ITSN1: variants seen among roughly 807,000 people sequenced by gnomAD.
The protein encoded by ITSN1 is intersectin 1.
A neutral mutation model predicts 239.8 loss-of-function variants in ITSN1; 58 were observed. That is an observed-to-expected ratio of 0.24 (90% CI 0.20 to 0.30). The LOEUF (loss-of-function observed/expected upper bound fraction) is 0.30, where lower values mean the gene tolerates loss of function less well. ITSN1 is among the 10% of genes least tolerant of loss of function. The pLI is 1.00. For missense variants in ITSN1, 1,558 were observed against 2,103.3 expected (o/e 0.74, Z 5.07); for synonymous variants, 780 against 770.8 (o/e 1.01, Z -0.20).
chr21:33,673,247 C>T lies in ITSN1; in HGVS notation c.-33+30534C>T, dbSNP rs80305077. On this transcript the variant is annotated intron_variant, in intron 1 of 39. Coordinates refer to ENST00000381318, the MANE Select transcript of ITSN1 (RefSeq NM_003024.3). ...AAGAATAGAGTGGCTGAGTGGTTAT[C>T]GGGGGAAGGGGAAGTGGGAGATGTA... Among the ~76,000 whole-genome samples, 1,299 of 152,032 alleles carry T rather than the reference C, an allele frequency of 8.5e-3. 10 individuals carry two copies. The highest frequency in any genetic ancestry group is 0.031 in the Middle Eastern group (9 of 294).
chr21:33,778,016 C>T (rs540045480), intron 14 of ITSN1, among the ~76,000 whole-genome samples: 84 of 152,180 alleles, frequency 5.5e-4, no homozygotes, highest in Non-Finnish European at 1.0e-3. Context: ...GTTTTTTCCC[C>T]GCATCTATTG....
Position 33,886,480 on chromosome 21 carries a change from G to T in ITSN1, c.5017+20G>T, listed in dbSNP as rs200577300. On this transcript the variant is annotated intron_variant, in intron 39 of 39. Transcript: ENST00000381318. ...CAGATGGTGAGTGGAACGCGGCCCT[G>T]TGGTTATTCCTCCTTCCCTGGCACT... The T allele has an allele frequency of 6.6e-7, 1 of 1,523,060 alleles. No homozygotes were observed. Among genetic ancestry groups the T allele is most frequent in the South Asian group, 1.3e-5 (1 of 77,988 alleles). 94.3% of individuals were successfully genotyped at this position (1,523,060 alleles called of 1,614,324 possible). A position where few individuals can be genotyped will look rare whatever the true frequency, so the allele number is the denominator to read the frequency against.
At chr21:33,731,744 G>A (rs1054263379) in intron 4 of ITSN1, among the ~76,000 whole-genome samples, 1 of 152,152 alleles carries the variant, frequency 6.6e-6, no homozygotes, top group African/African-American at 2.4e-5. Flanking sequence ...TTAGGCACCC[G>A]ATGAAAAATA....
chr21:33,684,637 GA>G (rs2091146960), intron 1 of ITSN1, among the ~76,000 whole-genome samples: 2 of 151,802 alleles, frequency 1.3e-5, no homozygotes, highest in South Asian at 2.1e-4. Context: ...TAGGATGAGG[GA>G]AAAAAATGAC....
chr21:33,719,197 T>C (rs1294622379), intron 2 of ITSN1, among the ~76,000 whole-genome samples: 1 of 152,162 alleles, frequency 6.6e-6, no homozygotes, highest in Non-Finnish European at 1.5e-5. Flanking sequence ...TCCCAGCACT[T>C]TGGGAGGCCG....
At chr21:33,813,870 T>C in intron 21 of ITSN1, 43 bp from the exon 22 acceptor site, 1 of 1,594,418 alleles carries the variant, frequency 6.3e-7, no homozygotes, top group Non-Finnish European at 8.6e-7. Context: ...GCTGGTATAT[T>C]AGGGAGTGCT....
intron 1 of ITSN1, among the ~76,000 whole-genome samples, chr21:33,697,465 AT>A (rs1300647488): frequency 1.3e-5 from 2 of 149,526 alleles, no homozygotes; most frequent in Non-Finnish European, 1.5e-5. Context: ...AGGCCATTAC[AT>A]TTTTTTTTCA....
chr21:33,699,192 A>G (rs988688613), intron 1 of ITSN1, among the ~76,000 whole-genome samples: 4 of 152,070 alleles, frequency 2.6e-5, no homozygotes, highest in South Asian at 2.1e-4. Flanking sequence ...TTTCCCCTCA[A>G]TGTTTCATTG....
chr21:33,867,534 C>G (rs898956020), intron 33 of ITSN1, among the ~76,000 whole-genome samples: 1 of 151,824 alleles, frequency 6.6e-6, no homozygotes, highest in Non-Finnish European at 1.5e-5. Flanking sequence ...GGCACGGTGG[C>G]CCGCGCCTGT....
intron 31 of ITSN1, among the ~76,000 whole-genome samples, chr21:33,861,825 A>G (rs1980594578): frequency 6.6e-6 from 1 of 151,972 alleles, no homozygotes. Flanking sequence ...GGGCGCCTGT[A>G]GTCCCAGCTA....
intron 20 of ITSN1, among the ~76,000 whole-genome samples, chr21:33,803,900 G>A (rs1450537620): frequency 6.6e-6 from 1 of 152,130 alleles, no homozygotes; most frequent in Admixed American, 6.5e-5. Flanking sequence ...GCAGTGTTTC[G>A]ATTTTGTACT....
intron 1 of ITSN1, among the ~76,000 whole-genome samples, chr21:33,676,855 C>T (rs1227546951): frequency 2.0e-5 from 3 of 152,080 alleles, no homozygotes; most frequent in Non-Finnish European, 4.4e-5. Context: ...GTGAACTCAT[C>T]CTTTTCTATG....
intron 27 of ITSN1, among the ~76,000 whole-genome samples, chr21:33,833,826 C>T (rs899252057): frequency 6.0e-5 from 9 of 148,948 alleles, no homozygotes; most frequent in South Asian, 2.1e-4. Flanking sequence ...GAGCCGAGAT[C>T]GTGCCACTGC....
intron 4 of ITSN1, among the ~76,000 whole-genome samples, chr21:33,730,150 A>G (rs2066082600): frequency 1.3e-5 from 2 of 152,032 alleles, no homozygotes; most frequent in South Asian, 4.1e-4. Context: ...ATTTAAATAC[A>G]TAACAGATTA....
chr21:33,782,839 C>A (rs1193554593), intron 16 of ITSN1, among the ~76,000 whole-genome samples: 5 of 152,078 alleles, frequency 3.3e-5, no homozygotes, highest in Non-Finnish European at 7.4e-5. Context: ...TCCTGGCTAA[C>A]ACGGTGAAAC....
Position 33,890,518 on chromosome 21 carries a change from T to C in ITSN1, c.*2218T>C, listed in dbSNP as rs1986288309. On this transcript the variant is annotated 3_prime_UTR_variant, in exon 40 of 40. Coordinates refer to ENST00000381318, the MANE Select transcript of ITSN1 (RefSeq NM_003024.3). ...CTCAAGTGACTCTGTTGAGCATCCTTGAGATGCTCCTGCCATGTAGCAAGT... is the reference window on the plus strand; with the variant it reads ...CTCAAGTGACTCTGTTGAGCATCCTCGAGATGCTCCTGCCATGTAGCAAGT... The C allele has an allele frequency of 6.6e-6, 1 of 152,178 alleles. No homozygotes were observed. Among genetic ancestry groups the C allele is most frequent in the African/African-American group, 2.4e-5 (1 of 41,444 alleles). The allele number at this position is 152,178 out of a possible 1,614,324, so 9.4% of individuals were successfully genotyped here. A position where few individuals can be genotyped will look rare whatever the true frequency, so the allele number is the denominator to read the frequency against.
chr21:33,651,413 C>T (rs555082807), intron 1 of ITSN1, among the ~76,000 whole-genome samples: 169 of 152,298 alleles, frequency 1.1e-3, no homozygotes, highest in Non-Finnish European at 1.8e-3. Context: ...GACGTTTCTA[C>T]CTAGCCTTCT....
At chr21:33,778,586 T>TC (rs2069851976) in intron 14 of ITSN1, among the ~76,000 whole-genome samples, 1 of 124,856 alleles carries the variant, frequency 8.0e-6, no homozygotes, top group Non-Finnish European at 1.6e-5. Flanking sequence ...TTTTTTTTTT[T>TC]TTTTTTTTTT....
intron 29 of ITSN1, among the ~76,000 whole-genome samples, chr21:33,853,890 C>T (rs2268254): frequency 0.23 from 34,801 of 152,066 alleles, 4,015 homozygotes; most frequent in Non-Finnish European, 0.25. Flanking sequence ...TGGGGAAGAG[C>T]ACCACCTTCA....
Sources: gnomAD v4.1 joint callset for allele counts (sites outside exome capture counted in the v4.1 genomes callset) on GRCh38, gnomAD v4.1.1 for gene constraint, MANE v1.5 for transcripts, NCBI Gene and HGNC (gene_info 2026-07-23, HGNC 2026-07-21) for gene names.